GMDS: variants seen among roughly 807,000 people sequenced by gnomAD.
GMDS encodes the protein GDP-mannose 4,6 dehydratase.
A neutral mutation model predicts 49.9 loss-of-function variants in GMDS; 20 were observed. That is an observed-to-expected ratio of 0.40 (90% CI 0.28 to 0.58). The LOEUF (loss-of-function observed/expected upper bound fraction) is 0.58. Among genes scored for constraint, GMDS ranks in the 20% least tolerant of loss-of-function variants. GMDS has a pLI of 0.42. For synonymous variants in GMDS, 177 were observed against 178.6 expected (o/e 0.99, Z 0.07); for missense variants, 362 against 481.4 (o/e 0.75, Z 2.32).
chr6:1,898,593 C>T (rs1760341156), intron 7 of GMDS, among the ~76,000 whole-genome samples: 1 of 152,160 alleles, frequency 6.6e-6, no homozygotes, highest in Non-Finnish European at 1.5e-5. Context: ...ACCAGTCAAG[C>T]CCTCCTGACC....
rs17134405 is a variant in GMDS at position 1,859,878 on chromosome 6, A to C, written c.771+70225T>G. Among the ~76,000 whole-genome samples, 666 of 152,364 alleles carry C rather than the reference A, an allele frequency of 4.4e-3. 3 individuals are homozygous for C. Among genetic ancestry groups the C allele is most frequent in the African/African-American group, 0.016 (646 of 41,584 alleles). On this transcript the variant is annotated intron_variant, in intron 7 of 10. Coordinates refer to ENST00000380815, the MANE Select transcript of GMDS (RefSeq NM_001500.4). ...CATAATGTATTATTTAATGCCTTCA[A>C]ACATATTCAGTCCTTATTTTAAGAA...
intron 7 of GMDS, among the ~76,000 whole-genome samples, chr6:1,835,262 T>C (rs1756872012): frequency 6.6e-6 from 1 of 152,084 alleles, no homozygotes. Context: ...GACAGATCAC[T>C]GGGATAGGGT....
intron 4 of GMDS, among the ~76,000 whole-genome samples, chr6:2,083,265 C>T (rs1330646642): frequency 1.3e-5 from 2 of 152,170 alleles, no homozygotes; most frequent in African/African-American, 4.8e-5. Flanking sequence ...ACTTCCTGCA[C>T]TTTCACATCC....
intron 9 of GMDS, among the ~76,000 whole-genome samples, chr6:1,725,027 T>C (rs7754428): frequency 0.84 from 127,492 of 152,188 alleles, 53,878 homozygotes; most frequent in East Asian, 1. Context: ...GAGTGGTAAA[T>C]GATGACCGAT....
At chr6:2,116,934 CT>C (rs1774879964) in intron 3 of GMDS, among the ~76,000 whole-genome samples, 1 of 152,162 alleles carries the variant, frequency 6.6e-6, no homozygotes, top group Admixed American at 6.5e-5. Context: ...AGAAAACAGT[CT>C]GCTTGTGCTA....
At chr6:2,015,714 C>T (rs1767846895) in intron 4 of GMDS, among the ~76,000 whole-genome samples, 1 of 152,088 alleles carries the variant, frequency 6.6e-6, no homozygotes, top group Non-Finnish European at 1.5e-5. Context: ...GTACCAAATC[C>T]AACTACTATG....
intron 4 of GMDS, among the ~76,000 whole-genome samples, chr6:2,039,312 G>A (rs1769506695): frequency 6.6e-6 from 1 of 152,102 alleles, no homozygotes; most frequent in South Asian, 2.1e-4. Context: ...GAAGGCCTAG[G>A]ACATTAATCC....
chr6:2,131,422 T>C (rs1299293535), intron 1 of GMDS, among the ~76,000 whole-genome samples: 1 of 152,022 alleles, frequency 6.6e-6, no homozygotes, highest in Non-Finnish European at 1.5e-5. Context: ...GTCCCAGAAA[T>C]GCTGGAGAAG....
At chr6:1,712,993 T>C (rs553989012) in intron 9 of GMDS, among the ~76,000 whole-genome samples, 1 of 152,316 alleles carries the variant, frequency 6.6e-6, no homozygotes, top group African/African-American at 2.4e-5. Context: ...CTGCTGCAGA[T>C]AGTGAGAAGG....
intron 1 of GMDS, among the ~76,000 whole-genome samples, chr6:2,147,868 A>C (rs920505371): frequency 4.7e-5 from 7 of 150,172 alleles, no homozygotes; most frequent in African/African-American, 1.7e-4. Flanking sequence ...TCCACAACGT[A>C]GAAACTAAAA....
chr6:1,670,115 G>C (rs138413027), intron 9 of GMDS, among the ~76,000 whole-genome samples: 1 of 152,026 alleles, frequency 6.6e-6, no homozygotes, highest in African/African-American at 2.4e-5. Context: ...GAAGCCTCAA[G>C]TCAGAGCGCT....
At chr6:1,674,747 A>G (rs1325768619) in intron 9 of GMDS, among the ~76,000 whole-genome samples, 3 of 145,526 alleles carry the variant, frequency 2.1e-5, no homozygotes, top group African/African-American at 5.1e-5. Context: ...ATGGATTTTT[A>G]CCATGTTGCC....
At chr6:2,069,557 A>C (rs1365135808) in intron 4 of GMDS, among the ~76,000 whole-genome samples, 6 of 152,050 alleles carry the variant, frequency 3.9e-5, no homozygotes, top group Non-Finnish European at 7.4e-5. Context: ...CAATGAACTC[A>C]AACAAATTTA....
intron 1 of GMDS, among the ~76,000 whole-genome samples, chr6:2,213,540 T>C (rs1780168711): frequency 6.6e-6 from 1 of 152,080 alleles, no homozygotes; most frequent in African/African-American, 2.4e-5. Flanking sequence ...CACAAAACAG[T>C]TCTACTATAG....
At chr6:1,913,469 CAAGG>C (rs1761188456) in intron 7 of GMDS, among the ~76,000 whole-genome samples, 1 of 151,356 alleles carries the variant, frequency 6.6e-6, no homozygotes, top group Non-Finnish European at 1.5e-5. Context: ...AGTTTGCTGC[CAAGG>C]AAATTTGGTA....
chr6:2,160,580 T>G (rs184718186), intron 1 of GMDS, among the ~76,000 whole-genome samples: 8 of 152,328 alleles, frequency 5.3e-5, no homozygotes, highest in African/African-American at 1.9e-4. Context: ...AGACAGGTGT[T>G]GCCCAGGCTG....
chr6:2,117,154 G>T (rs1204394133), intron 3 of GMDS, among the ~76,000 whole-genome samples: 2 of 152,192 alleles, frequency 1.3e-5, no homozygotes, highest in Non-Finnish European at 2.9e-5. Context: ...TGCACTGCCA[G>T]TGTGGAACTG....
intron 9 of GMDS, among the ~76,000 whole-genome samples, chr6:1,648,485 T>G (rs1763554873): frequency 6.6e-6 from 1 of 152,236 alleles, no homozygotes; most frequent in African/African-American, 2.4e-5. Context: ...AAGTATGGCT[T>G]AATTTCACAA....
intron 9 of GMDS, among the ~76,000 whole-genome samples, chr6:1,699,229 T>G (rs1407575897): frequency 6.6e-6 from 1 of 151,596 alleles, no homozygotes; most frequent in Non-Finnish European, 1.5e-5. Flanking sequence ...GCTGCGGAAA[T>G]GAGCTTGAGG....
Sources: allele counts gnomAD v4.1 joint callset (sites outside exome capture counted in the v4.1 genomes callset), GRCh38; gene constraint gnomAD v4.1.1; transcripts MANE v1.5; gene names NCBI Gene and HGNC (gene_info 2026-07-23, HGNC 2026-07-21).